DOCK7: variants seen among roughly 807,000 people sequenced by gnomAD.
DOCK7 encodes the protein dedicator of cytokinesis protein 7.
In DOCK7, 138 loss-of-function variants were observed where a neutral mutation model predicts 271.0. The ratio of observed to expected loss-of-function variants is 0.51; its 90% CI spans 0.44 to 0.59. DOCK7 has a LOEUF of 0.59. DOCK7 is among the 20% of genes least tolerant of loss of function. The pLI is 0.00. For synonymous variants in DOCK7, 823 were observed against 876.1 expected (o/e 0.94, Z 1.07); for missense variants, 2,066 against 2,592.4 (o/e 0.80, Z 4.41).
intron 2 of DOCK7, among the ~76,000 whole-genome samples, chr1:62,656,840 A>C (rs1385885180): frequency 6.6e-6 from 1 of 152,194 alleles, no homozygotes; most frequent in Non-Finnish European, 1.5e-5. Context: ...CCAAAAGATC[A>C]AAAAAGAAGC....
Position 62,539,803 on chromosome 1 carries a change from A to G in DOCK7, c.3135T>C (p.Ile1045=), listed in dbSNP as rs746644311. ...TAGCAATCGTGCTGACAAGAGCTGC[A>G]ATGTCATCCATGAAACGTTCTGGAA... ...SRFPERFMDD[I]AALVSTIASD... Residue 1045 remains isoleucine, a synonymous_variant, in exon 26 of 50, where the codon ATT becomes ATC. Transcript: ENST00000635253. 3.1e-6 allele frequency: 5 copies of G among 1,613,892 alleles called. No individual in the cohort carries two copies. Among genetic ancestry groups the G allele is most frequent in the Middle Eastern group, 1.7e-4 (1 of 6,060 alleles).
intron 14 of DOCK7, chr1:62,604,018 T>C: frequency 5.6e-6 from 9 of 1,613,170 alleles, no homozygotes; most frequent in Non-Finnish European, 7.6e-6. Context: ...TGAAGCAATC[T>C]AATTATGTTT....
intron 18 of DOCK7, among the ~76,000 whole-genome samples, chr1:62,569,156 G>A (rs1304786909): frequency 6.6e-6 from 1 of 152,090 alleles, no homozygotes; most frequent in African/African-American, 2.4e-5. Context: ...AATTCTACCA[G>A]AGATACAAAG....
chr1:62,544,841 A>C, intron 23 of DOCK7, 106 bp downstream of exon 23: 1 of 837,948 alleles, frequency 1.2e-6, no homozygotes. Context: ...CACACTTTTT[A>C]ATGATTAAAA....
intron 33 of DOCK7, 44 bp downstream of exon 33, chr1:62,513,400 G>A (rs1400268701): frequency 1.3e-6 from 2 of 1,537,224 alleles, no homozygotes; most frequent in East Asian, 2.3e-5. Context: ...TAGCAACAAT[G>A]ATCATTACAA....
At chr1:62,569,177 C>T (rs878920243) in intron 18 of DOCK7, among the ~76,000 whole-genome samples, 1 of 152,120 alleles carries the variant, frequency 6.6e-6, no homozygotes, top group Admixed American at 6.6e-5. Flanking sequence ...AGAGCTGGTA[C>T]CATTTCCTCT....
At chr1:62,480,481 TATACTAAAAAGAGGTATA>T (rs1468586731) in intron 43 of DOCK7, among the ~76,000 whole-genome samples, 1 of 152,160 alleles carries the variant, frequency 6.6e-6, no homozygotes, top group Non-Finnish European at 1.5e-5. Flanking sequence ...GGATATATGC[TATACTAAAAAGAGGTATA>T]AGGGAAGATT....
chr1:62,686,966 G>A (rs902883793), intron 1 of DOCK7, among the ~76,000 whole-genome samples: 10 of 151,726 alleles, frequency 6.6e-5, no homozygotes, highest in Admixed American at 2.6e-4. Context: ...GAGATGGGGT[G>A]GGGGGGACTC....
At chr1:62,672,835 T>C (rs1272571865) in intron 1 of DOCK7, among the ~76,000 whole-genome samples, 2 of 152,160 alleles carry the variant, frequency 1.3e-5, no homozygotes, top group Admixed American at 1.3e-4. Context: ...AAGCTTTCCA[T>C]GGAAGCAGGT....
chr1:62,597,894 A>G (rs761469232), intron 14 of DOCK7: 3 of 1,571,464 alleles, frequency 1.9e-6, no homozygotes, highest in Middle Eastern at 1.7e-4. Flanking sequence ...ACAAGTCAAA[A>G]ATGAAGAGGT....
intron 43 of DOCK7, chr1:62,485,429 CAT>C (rs779318605): frequency 1.3e-5 from 13 of 985,116 alleles, no homozygotes; most frequent in Non-Finnish European, 1.6e-5. Context: ...AAAAATGAAA[CAT>C]GTGACTAATA....
At chr1:62,475,496 TG>T (rs1645943465) in intron 46 of DOCK7, 145 bp from the exon 47 acceptor site, 7 of 1,093,250 alleles carry the variant, frequency 6.4e-6, no homozygotes, top group Admixed American at 3.5e-5. Flanking sequence ...GATTCCTAAA[TG>T]AAAAAAAAAA....
At chr1:62,686,056 A>G (rs1354767439) in intron 1 of DOCK7, among the ~76,000 whole-genome samples, 2 of 152,020 alleles carry the variant, frequency 1.3e-5, no homozygotes, top group South Asian at 2.1e-4. Flanking sequence ...TTCATATCCA[A>G]CTCTCTAAAG....
intron 18 of DOCK7, among the ~76,000 whole-genome samples, chr1:62,572,001 T>C (rs1222477296): frequency 1.3e-5 from 2 of 152,208 alleles, no homozygotes; most frequent in Non-Finnish European, 2.9e-5. Flanking sequence ...CAAATCACCA[T>C]GGCACATGTT....
intron 12 of DOCK7, among the ~76,000 whole-genome samples, chr1:62,623,663 T>C (rs1653567481): frequency 6.6e-6 from 1 of 152,180 alleles, no homozygotes; most frequent in Non-Finnish European, 1.5e-5. Flanking sequence ...ACCTGCAAGG[T>C]TGTGTCACTG....
chr1:62,564,483 T>C (rs552814439), intron 18 of DOCK7, among the ~76,000 whole-genome samples: 2 of 152,010 alleles, frequency 1.3e-5, no homozygotes, highest in Non-Finnish European at 2.9e-5. Flanking sequence ...AAGGCAGAAA[T>C]AGATGTTCCT....
rs1281841923 is a variant in DOCK7 at position 62,618,795 on chromosome 1, C to T, written c.1593G>A (p.Val531=). ...HYCLTPELLQ[V]KLYPDSRVRP... is the part of the protein sequence containing the mutation. ...TAACTCTACTGTCAGGGTAAAGCTT[C>T]ACTTGAAGCAGCTCCGGAGTTAGGC... The change falls in exon 14 of 50, where the codon GTG becomes GTA. Residue 531 remains valine, a synonymous_variant. Transcript: ENST00000635253. The T allele has an allele frequency of 1.2e-6, 2 of 1,613,650 alleles. No individual in the cohort carries two copies.
At chr1:62,682,435 G>C (rs1283191479) in intron 1 of DOCK7, among the ~76,000 whole-genome samples, 1 of 152,132 alleles carries the variant, frequency 6.6e-6, no homozygotes, top group Non-Finnish European at 1.5e-5. Context: ...ATATCCATGG[G>C]ATCTGTGTGA....
intron 43 of DOCK7, 39 bp from the exon 44 acceptor site, chr1:62,477,864 T>A: frequency 1.3e-6 from 2 of 1,538,166 alleles, no homozygotes; most frequent in Non-Finnish European, 1.7e-6. Flanking sequence ...GAAACTTTAA[T>A]ATGAAATCTT....
Sources: gnomAD v4.1 joint callset for allele counts (sites outside exome capture counted in the v4.1 genomes callset) on GRCh38, gnomAD v4.1.1 for gene constraint, MANE v1.5 for transcripts, NCBI Gene and HGNC (gene_info 2026-07-23, HGNC 2026-07-21) for gene names.